Variants in MEI1 observed in about 807,000 individuals in gnomAD.
MEI1 encodes meiotic double-stranded break formation protein 1, also known as meiosis inhibitor protein 1.
A neutral mutation model predicts 146.2 loss-of-function variants in MEI1; 103 were observed. That is an observed-to-expected ratio of 0.70 (90% confidence interval 0.60 to 0.83). MEI1 has a LOEUF of 0.83. Among genes scored for constraint, MEI1 ranks in the 40% least tolerant of loss-of-function variants. MEI1 has a pLI of 0.00. For missense variants in MEI1, 1,529 were observed against 1,533.0 expected (o/e 1.00, Z 0.04); for synonymous variants, 652 against 628.2 (o/e 1.04, Z -0.57).
chr22:41,782,831 C>G (rs2075814375), intron 24 of MEI1, among the ~76,000 whole-genome samples: 1 of 152,178 alleles, frequency 6.6e-6, no homozygotes, highest in African/African-American at 2.4e-5. Flanking sequence ...CTGCCCTGGC[C>G]CTCAGCTCAC....
chr22:41,720,709 G>A (rs2147407604), intron 6 of MEI1, among the ~76,000 whole-genome samples: 1 of 151,286 alleles, frequency 6.6e-6, no homozygotes, highest in South Asian at 2.1e-4. Flanking sequence ...CCATTCTCCT[G>A]CCTCAGTCTC....
chr22:41,766,448 G>A (rs1030629229), intron 19 of MEI1, among the ~76,000 whole-genome samples: 1 of 152,130 alleles, frequency 6.6e-6, no homozygotes, highest in African/African-American at 2.4e-5. Context: ...GGGATTACAG[G>A]TGTGAGCCAC....
intron 28 of MEI1, among the ~76,000 whole-genome samples, 176 bp downstream of exon 28, chr22:41,794,653 C>T (rs1018821052): frequency 2.6e-5 from 4 of 152,174 alleles, no homozygotes; most frequent in African/African-American, 9.7e-5. Context: ...GCCCATATCT[C>T]CTCACTCCAG....
chr22:41,777,236 A>G (rs2075491585), intron 21 of MEI1, among the ~76,000 whole-genome samples: 2 of 151,436 alleles, frequency 1.3e-5, no homozygotes, highest in Admixed American at 1.3e-4. Flanking sequence ...GCTCACTGCA[A>G]CCTTCACGTC....
intron 26 of MEI1, among the ~76,000 whole-genome samples, chr22:41,786,948 G>T (rs1219779794): frequency 3.3e-5 from 5 of 152,260 alleles, no homozygotes; most frequent in African/African-American, 9.6e-5. Flanking sequence ...GCCCCAGGAA[G>T]ATGTCCCAGG....
At position 41,752,590 on chromosome 22, in the gene MEI1, G is replaced by C. The variant is rs1393761726; in HGVS notation, c.1793-1G>C. On this transcript the variant is annotated splice_acceptor_variant, in intron 15 of 30. Transcript: ENST00000401548. LOFTEE classifies it high-confidence loss of function. ...TCTGCTTTATTCCCACTTCTCTGAA[G>C]CTTCCTCATCCTTCATACGACTGAC... 6.3e-7 allele frequency: 1 copy of C among 1,595,516 alleles called. No individual in the cohort carries two copies. The highest frequency in any genetic ancestry group is 1.7e-5 in the Admixed American group (1 of 57,238).
chr22:41,704,370 CA>C (rs2068922854), intron 2 of MEI1, among the ~76,000 whole-genome samples: 1 of 151,460 alleles, frequency 6.6e-6, no homozygotes, highest in Non-Finnish European at 1.5e-5. Flanking sequence ...GACACCAGAG[CA>C]CATGGGGTTT....
chr22:41,758,577 T>A, intron 18 of MEI1, 44 bp downstream of exon 18: 1 of 1,569,234 alleles, frequency 6.4e-7, no homozygotes, highest in Non-Finnish European at 8.7e-7. Flanking sequence ...TCTTGGGACC[T>A]TCATCAGCAG....
At chr22:41,743,215 T>C (rs746400993) in intron 12 of MEI1, 21 bp downstream of exon 12, 2 of 1,550,662 alleles carry the variant, frequency 1.3e-6, no homozygotes, top group Non-Finnish European at 1.8e-6. Context: ...TGCAGCCTGC[T>C]GCTTCCGAAG....
intron 22 of MEI1, among the ~76,000 whole-genome samples, chr22:41,780,627 T>C (rs2075711610): frequency 6.8e-6 from 1 of 146,586 alleles, no homozygotes; most frequent in Non-Finnish European, 1.5e-5. Flanking sequence ...GTCACCCAGG[T>C]TGAAGTATAA....
Position 41,732,468 on chromosome 22 carries a change from G to C in MEI1, c.1197-1G>C. 1 of 1,613,834 alleles carries C rather than the reference G, an allele frequency of 6.2e-7. No homozygotes were observed. The highest frequency in any genetic ancestry group is 8.5e-7 in the Non-Finnish European group (1 of 1,179,850). On this transcript the variant is annotated splice_acceptor_variant, in intron 10 of 30. Transcript: ENST00000401548. LOFTEE classifies it high-confidence loss of function. ...CTCGTTTCTCATCTTCCATTTCTCA[G>C]GCAGCCAGAGGAGATCAAGCTGTTC...
intron 11 of MEI1, among the ~76,000 whole-genome samples, chr22:41,740,251 C>G (rs1601853625): frequency 6.6e-6 from 1 of 152,066 alleles, no homozygotes; most frequent in Admixed American, 6.6e-5. Context: ...AATTCCTGAC[C>G]TTGTGATCTG....
intron 11 of MEI1, among the ~76,000 whole-genome samples, chr22:41,737,280 A>C (rs1601835188): frequency 6.6e-6 from 1 of 151,492 alleles, no homozygotes; most frequent in Non-Finnish European, 1.5e-5. Flanking sequence ...TCTGTCGCCC[A>C]GGCTGGAGTG....
chr22:41,778,591 T>A (rs2075591384), intron 21 of MEI1, 117 bp from the exon 22 acceptor site: 1 of 724,386 alleles, frequency 1.4e-6, no homozygotes, highest in African/African-American at 1.8e-5. Context: ...ACCTCACCCC[T>A]TAGGAAACAA....
At position 41,745,068 on chromosome 22, in the gene MEI1, AG is replaced by A; in HGVS notation, c.1538+8del. On this transcript the variant is annotated splice_donor_5th_base_variant and intron_variant, in intron 13 of 30. Coordinates refer to ENST00000401548, the MANE Select transcript of MEI1 (RefSeq NM_152513.4). ...AGGGATTTAGAAGTGCCTGCAGGTG[AG>A]GGGCCCTCTGAGGTATGAAGTAATA... The A allele has an allele frequency of 6.5e-7, 1 of 1,535,852 alleles. No individual in the cohort carries two copies. The highest frequency in any genetic ancestry group is 8.8e-7 in the Non-Finnish European group (1 of 1,139,038).
intron 18 of MEI1, 24 bp from the exon 19 acceptor site, chr22:41,763,146 TCTCA>T: frequency 1.9e-6 from 3 of 1,610,966 alleles, no homozygotes; most frequent in Non-Finnish European, 2.5e-6. Flanking sequence ...ACTCTGCCTT[TCTCA>T]CTCAGGCTTT....
chr22:41,798,502 T>TG (rs1387557359), intron 30 of MEI1, among the ~76,000 whole-genome samples: 1 of 151,666 alleles, frequency 6.6e-6, no homozygotes, highest in Non-Finnish European at 1.5e-5. Flanking sequence ...CACTGGAACC[T>TG]GGGAGGCAGA....
chr22:41,781,052 C>G (rs1359408649), intron 22 of MEI1, among the ~76,000 whole-genome samples: 1 of 152,202 alleles, frequency 6.6e-6, no homozygotes, highest in Non-Finnish European at 1.5e-5. Context: ...ATCCTAAAGT[C>G]TTTCTGTGAT....
intron 1 of MEI1, among the ~76,000 whole-genome samples, chr22:41,702,057 C>T (rs1362798216): frequency 6.6e-6 from 1 of 152,110 alleles, no homozygotes; most frequent in Non-Finnish European, 1.5e-5. Context: ...TAATCTATTA[C>T]GTAGGATGAA....
Sources: allele counts gnomAD v4.1 joint callset (sites outside exome capture counted in the v4.1 genomes callset), GRCh38; gene constraint gnomAD v4.1.1; transcripts MANE v1.5; gene names NCBI Gene and HGNC (gene_info 2026-07-23, HGNC 2026-07-21).